Variants in HEATR3 observed in about 807,000 individuals in gnomAD.
HEATR3 encodes the protein HEAT repeat-containing protein 3.
Under a neutral mutation model 72.8 loss-of-function variants are expected in HEATR3, and 56 were observed. The observed-to-expected ratio is 0.77, with a 90% confidence interval of 0.62 to 0.96. The LOEUF is 0.96. Ranked by LOEUF, HEATR3 falls within the 40% of genes least tolerant of loss-of-function variation. The pLI is 0.00. For synonymous variants in HEATR3, 331 were observed against 318.1 expected, an observed-to-expected ratio of 1.04 and a Z score of -0.43; for missense variants, 747 against 831.4, an observed-to-expected ratio of 0.90 and a Z score of 1.25.
chr16:50,078,643 A>T (rs1047674999), intron 6 of HEATR3, 98 bp from the exon 7 acceptor site: 2 of 1,234,756 alleles, frequency 1.6e-6, no homozygotes, highest in African/African-American at 3.0e-5. Flanking sequence ...AGATTTTTTG[A>T]AATTACACTG....
intron 4 of HEATR3, among the ~76,000 whole-genome samples, chr16:50,071,582 A>G (rs2036612265): frequency 2.6e-5 from 4 of 152,190 alleles, no homozygotes. Flanking sequence ...GAGTTACTAT[A>G]ACTTTTAACA....
chr16:50,084,044 A>G lies in HEATR3; in HGVS notation c.1132+17A>G. 2 of 1,613,738 alleles carry G rather than the reference A, an allele frequency of 1.2e-6. No homozygotes were observed. The highest frequency in any genetic ancestry group is 8.5e-7 in the Non-Finnish European group (1 of 1,179,816). On this transcript the variant is annotated intron_variant, in intron 8 of 14. Transcript: ENST00000299192. ...GCAATGAAGGTTTGTTAACATTTACATTTAGACATTTTCCCCCTGAGCCAA... is the reference window on the plus strand; with the variant it reads ...GCAATGAAGGTTTGTTAACATTTACGTTTAGACATTTTCCCCCTGAGCCAA...
intron 9 of HEATR3, 79 bp downstream of exon 9, chr16:50,084,370 G>A: frequency 6.7e-7 from 1 of 1,497,758 alleles, no homozygotes; most frequent in Non-Finnish European, 9.0e-7. Flanking sequence ...TACAAAAGAA[G>A]CAAGCTCACA....
chr16:50,077,250 G>C (rs2150602238), intron 6 of HEATR3, among the ~76,000 whole-genome samples: 1 of 151,980 alleles, frequency 6.6e-6, no homozygotes, highest in East Asian at 1.9e-4. Flanking sequence ...GACCTAAAGT[G>C]ATTGGCCCAT....
intron 7 of HEATR3, among the ~76,000 whole-genome samples, chr16:50,082,820 T>C (rs1008033615): frequency 2.6e-5 from 4 of 152,010 alleles, no homozygotes; most frequent in Non-Finnish European, 5.9e-5. Context: ...TCTTTTTTTT[T>C]GAGATGGAGT....
chr16:50,096,355 A>T (rs11490444), intron 12 of HEATR3, among the ~76,000 whole-genome samples: 9 of 6,966 alleles, frequency 1.3e-3, no homozygotes, highest in Non-Finnish European at 3.5e-3. Context: ...ACAGAAAAAG[A>T]AAAAAACGTC....
chr16:50,079,235 CAGG>C (rs1236286409), intron 7 of HEATR3, among the ~76,000 whole-genome samples: 2 of 152,106 alleles, frequency 1.3e-5, no homozygotes, highest in Non-Finnish European at 2.9e-5. Context: ...GTTTTATATG[CAGG>C]AGAAGGTTTC....
rs150166531 is a variant in HEATR3, at chr16:50,078,987, G to C, written c.1010G>C (p.Arg337Thr). Reference sequence around the variant, plus strand: ...GGAATTTCTCATAAAAGAAGAGTCAGAAGGAAAACTTTCGTTTCAGATTTA... The same window carrying C: ...GGAATTTCTCATAAAAGAAGAGTCACAAGGAAAACTTTCGTTTCAGATTTA... Reference protein sequence around the residue: ...MEGISHKRRVRRKTFVSDLLP... With the variant: ...MEGISHKRRVTRKTFVSDLLP... Residue 337 changes from arginine (R) to threonine (T), a missense_variant, in exon 7 of 15, where the codon AGA becomes ACA. Around this residue, in one of 2 missense-constraint regions of HEATR3, gnomAD observed 586 missense variants for 708.8 expected, o/e 0.83. Coordinates refer to ENST00000299192, the MANE Select transcript of HEATR3 (RefSeq NM_182922.4). The C allele has an allele frequency of 6.2e-7, 1 of 1,613,022 alleles. No homozygotes were observed. The highest frequency in any genetic ancestry group is 1.1e-5 in the South Asian group (1 of 90,918).
At chr16:50,087,582 G>C (rs1193271127) in intron 11 of HEATR3, among the ~76,000 whole-genome samples, 1 of 152,138 alleles carries the variant, frequency 6.6e-6, no homozygotes, top group Non-Finnish European at 1.5e-5. Context: ...TTTCTATACT[G>C]AAGGAAAACT....
intron 6 of HEATR3, among the ~76,000 whole-genome samples, chr16:50,076,609 C>T (rs1331714724): frequency 6.6e-6 from 1 of 152,038 alleles, no homozygotes; most frequent in Non-Finnish European, 1.5e-5. Context: ...GCAATCTTGG[C>T]TCACTGCAGC....
At chr16:50,094,162 G>A (rs191634350) in intron 11 of HEATR3, among the ~76,000 whole-genome samples, 5 of 152,272 alleles carry the variant, frequency 3.3e-5, no homozygotes, top group African/African-American at 9.6e-5. Context: ...TGTTTGTCCC[G>A]TGTGGGAAGA....
Position 50,093,953 on chromosome 16 carries a change from A to C in HEATR3, c.1511-752A>C, listed in dbSNP as rs557845624. Among the ~76,000 whole-genome samples the C allele has an allele frequency of 5.2e-4, 79 of 152,348 alleles. 1 individual carries two copies. In the South Asian group the frequency reaches 0.016, roughly 31 times the overall value. ...TTTAAGGAAAGGAGAAGTAGATTTC[A>C]CATCTTTATGGGAAGTGGCAAGGTT... is the stretch of plus-strand genomic sequence containing the variant. On this transcript the variant is annotated intron_variant, in intron 11 of 14. Transcript: ENST00000299192.
chr16:50,084,258 C>T lies in HEATR3; in HGVS notation c.1257C>T (p.His419=), dbSNP rs751764334. 5 of 1,613,996 alleles carry T rather than the reference C, an allele frequency of 3.1e-6. No homozygotes were observed. In the East Asian group the frequency reaches 8.9e-5, roughly 29 times the overall value. The change falls in exon 9 of 15, where the codon CAC becomes CAT. Residue 419 remains histidine (H), a synonymous_variant. Coordinates refer to ENST00000299192, the MANE Select transcript of HEATR3 (RefSeq NM_182922.4). ...FSPLCLSHEV[H]TALTNYLIPK... ...CCCTCTGCCTCTCCCATGAAGTTCACACGGCTCTCACCAACTACCTCATCC... is the reference window on the plus strand; with the variant it reads ...CCCTCTGCCTCTCCCATGAAGTTCATACGGCTCTCACCAACTACCTCATCC...
intron 11 of HEATR3, among the ~76,000 whole-genome samples, chr16:50,089,542 C>T (rs968908431): frequency 1.7e-4 from 26 of 152,062 alleles, no homozygotes; most frequent in Non-Finnish European, 2.6e-4. Context: ...TATTGGCATT[C>T]GGAGAAATGG....
At chr16:50,099,069 G>C (rs1027926561) in intron 12 of HEATR3, among the ~76,000 whole-genome samples, 1 of 151,852 alleles carries the variant, frequency 6.6e-6, no homozygotes, top group African/African-American at 2.4e-5. Flanking sequence ...TCCTGCTCTC[G>C]AGTGATCCTC....
intron 12 of HEATR3, among the ~76,000 whole-genome samples, chr16:50,095,452 C>A (rs1288468403): frequency 1.3e-5 from 2 of 148,836 alleles, no homozygotes; most frequent in South Asian, 2.1e-4. Flanking sequence ...ACTTTGCAAG[C>A]ATGCCCTCCT....
chr16:50,094,645 T>G, intron 11 of HEATR3, 60 bp from the exon 12 acceptor site: 1 of 935,692 alleles, frequency 1.1e-6, no homozygotes, highest in Non-Finnish European at 1.6e-6. Flanking sequence ...TGTTTGTTGC[T>G]TCTACAAAAT....
At chr16:50,090,233 C>G (rs868182590) in intron 11 of HEATR3, among the ~76,000 whole-genome samples, 2 of 151,898 alleles carry the variant, frequency 1.3e-5, no homozygotes, top group Admixed American at 6.6e-5. Flanking sequence ...ATCTTGCTTG[C>G]GCCTGTGGTC....
Position 50,077,990 on chromosome 16 carries a change from C to CCT in HEATR3, c.764-749_764-748dup, listed in dbSNP as rs2036777374. Among the ~76,000 whole-genome samples, 5 of 145,690 alleles carry CCT rather than the reference C, an allele frequency of 3.4e-5. No homozygotes were observed. The South Asian group carries it at 1.1e-3, about 31-fold the overall frequency. On this transcript the variant is annotated intron_variant, in intron 6 of 14. Coordinates refer to ENST00000299192, the MANE Select transcript of HEATR3 (RefSeq NM_182922.4). ...CTCCTGGGTTCAAGTGATTCTCATGCCTCAGCCTCCCAAGTAGCTGGGATT... is the reference window on the plus strand; with the variant it reads ...CTCCTGGGTTCAAGTGATTCTCATGCCTCTCAGCCTCCCAAGTAGCTGGGATT...
Sources: allele counts gnomAD v4.1 joint callset (sites outside exome capture counted in the v4.1 genomes callset), GRCh38; gene constraint gnomAD v4.1.1; regional missense constraint gnomAD v4.1.1; transcripts MANE v1.5; gene names NCBI Gene and HGNC (gene_info 2026-07-23, HGNC 2026-07-21).